PTPRQ: variants seen among roughly 807,000 people sequenced by gnomAD.
The protein encoded by PTPRQ is phosphatidylinositol phosphatase PTPRQ.
A neutral mutation model predicts 246.0 loss-of-function variants in PTPRQ; 199 were observed. That is an observed-to-expected ratio of 0.81 (90% CI 0.72 to 0.91). The LOEUF (loss-of-function observed/expected upper bound fraction) is 0.91, where lower values mean the gene tolerates loss of function less well. Ranked by LOEUF, PTPRQ falls within the 40% of genes least tolerant of loss-of-function variation. PTPRQ has a pLI of 0.00. For synonymous variants in PTPRQ, 869 were observed against 853.2 expected, an observed-to-expected ratio of 1.02 and a Z score of -0.32; for missense variants, 2,624 against 2,528.4, an observed-to-expected ratio of 1.04 and a Z score of -0.81.
At chr12:80,517,685 C>A (rs1255069404) in intron 17 of PTPRQ, among the ~76,000 whole-genome samples, 1 of 151,592 alleles carries the variant, frequency 6.6e-6, no homozygotes, top group Non-Finnish European at 1.5e-5. Flanking sequence ...GGTAACCATG[C>A]TTCTACTCTC....
At chr12:80,632,771 G>T (rs965037476) in intron 34 of PTPRQ, among the ~76,000 whole-genome samples, 1 of 152,050 alleles carries the variant, frequency 6.6e-6, no homozygotes, top group Non-Finnish European at 1.5e-5. Context: ...GAGGGAAGGG[G>T]TTGGAGCTGT....
chr12:80,538,063 C>T (rs539049200), intron 19 of PTPRQ, among the ~76,000 whole-genome samples: 29 of 152,032 alleles, frequency 1.9e-4, no homozygotes, highest in East Asian at 1.9e-4. Flanking sequence ...GAGCCGAGAT[C>T]GTGCCACTGC....
intron 9 of PTPRQ, 106 bp from the exon 10 acceptor site, chr12:80,493,169 T>G (rs1894502329): frequency 4.0e-6 from 5 of 1,241,754 alleles, no homozygotes; most frequent in Non-Finnish European, 5.2e-6. Flanking sequence ...TGTTATCTTT[T>G]ATAACAGCAT....
chr12:80,453,276 T>C (rs534268801), intron 3 of PTPRQ, among the ~76,000 whole-genome samples: 7 of 152,154 alleles, frequency 4.6e-5, no homozygotes, highest in African/African-American at 1.7e-4. Context: ...TCTACATTTT[T>C]TTCATAGTTT....
At chr12:80,497,956 T>C (rs1477059267) in intron 14 of PTPRQ, among the ~76,000 whole-genome samples, 1 of 152,018 alleles carries the variant, frequency 6.6e-6, no homozygotes, top group Non-Finnish European at 1.5e-5. Flanking sequence ...AGCTTACTTT[T>C]GTAGAAAAGG....
chr12:80,594,398 A>G (rs753949169), intron 26 of PTPRQ, among the ~76,000 whole-genome samples: 8 of 152,174 alleles, frequency 5.3e-5, no homozygotes, highest in Non-Finnish European at 5.9e-5. Context: ...GAGAAAATAA[A>G]TATCATTTAT....
intron 9 of PTPRQ, among the ~76,000 whole-genome samples, chr12:80,487,021 A>G (rs1343412793): frequency 6.6e-6 from 1 of 152,158 alleles, no homozygotes. Flanking sequence ...TTTAGTGAAG[A>G]TGTTCCACAG....
Position 80,546,671 on chromosome 12 carries a change from T to C in PTPRQ, c.3989T>C (p.Val1330Ala), listed in dbSNP as rs1203762695. 1.3e-6 allele frequency: 2 copies of C among 1,551,386 alleles called. No individual in the cohort carries two copies. Among genetic ancestry groups the C allele is most frequent in the Non-Finnish European group, 8.7e-7 (1 of 1,146,832 alleles). Residue 1330 changes from valine (V) to alanine (A), a missense_variant, in exon 24 of 45, where the codon GTA becomes GCA. Physicochemically the swap from Val to Ala is moderately conservative, Grantham distance 64. Coordinates refer to ENST00000644991, the MANE Select transcript of PTPRQ (RefSeq NM_001145026.2). ...KVGNGNQFSNVVKFTTQESVP... is the reference protein window; with the variant it reads ...KVGNGNQFSNAVKFTTQESVP... ...GGAAATGGCAATCAATTTAGTAATG[T>C]AGTAAAATTCACAACCCAAGAATCA...
intron 25 of PTPRQ, among the ~76,000 whole-genome samples, chr12:80,565,943 A>G (rs1896965422): frequency 2.0e-5 from 3 of 152,198 alleles, no homozygotes; most frequent in Admixed American, 2.0e-4. Context: ...GATTAAACAC[A>G]TTCAAAATTC....
intron 25 of PTPRQ, among the ~76,000 whole-genome samples, chr12:80,554,546 T>C (rs7488288): frequency 0.19 from 29,486 of 151,974 alleles, 4,616 homozygotes; most frequent in African/African-American, 0.43. Context: ...GATGCAAAAA[T>C]TTAATTTAGG....
At chr12:80,668,428 C>T (rs1900856340) in intron 39 of PTPRQ, among the ~76,000 whole-genome samples, 1 of 151,848 alleles carries the variant, frequency 6.6e-6, no homozygotes, top group African/African-American at 2.4e-5. Flanking sequence ...TGCCACTAGA[C>T]TAATGACTAA....
rs1237009887 is a variant in PTPRQ, at chr12:80,506,055, CA to C, written c.2309del (p.Asn770IlefsTer39). ...PDSAPENITYKNISSGEIELS... is the reference protein window; with the variant it reads ...PDSAPENITYXNISSGEIELS... ...ATAGTGCACCAGAAAATATCACTTA[CA>C]AAAATATTTCTTCTGGAGAGATTGA... On this transcript the variant is annotated frameshift_variant, in exon 15 of 45. Coordinates refer to ENST00000644991, the MANE Select transcript of PTPRQ (RefSeq NM_001145026.2). LOFTEE classifies it high-confidence loss of function. 6.5e-7 allele frequency: 1 copy of C among 1,546,418 alleles called. No homozygotes were observed. Among genetic ancestry groups the C allele is most frequent in the African/African-American group, 1.4e-5 (1 of 72,770 alleles).
chr12:80,588,474 A>T, intron 26 of PTPRQ, 22 bp downstream of exon 26: 13 of 1,443,226 alleles, frequency 9.0e-6, no homozygotes, highest in Non-Finnish European at 1.2e-5. Context: ...CCTGACATGT[A>T]CATACTGATT....
intron 38 of PTPRQ, among the ~76,000 whole-genome samples, chr12:80,655,561 G>A (rs370369639): frequency 1.8e-4 from 27 of 150,966 alleles, no homozygotes; most frequent in African/African-American, 6.3e-4. Context: ...GTATACCCCC[G>A]GTTCTCTCTG....
chr12:80,544,551 A>C (rs1400423892), intron 23 of PTPRQ, among the ~76,000 whole-genome samples: 2 of 152,160 alleles, frequency 1.3e-5, no homozygotes, highest in African/African-American at 2.4e-5. Flanking sequence ...TTTAAAATCT[A>C]CTGCGTCATG....
At chr12:80,494,504 T>C (rs929972713) in intron 10 of PTPRQ, among the ~76,000 whole-genome samples, 11 of 152,160 alleles carry the variant, frequency 7.2e-5, no homozygotes, top group African/African-American at 2.6e-4. Context: ...ATCTCAATTA[T>C]ATATTTCTTT....
At chr12:80,648,983 C>A in intron 36 of PTPRQ, 60 bp downstream of exon 36, 1 of 1,440,016 alleles carries the variant, frequency 6.9e-7, no homozygotes, top group Non-Finnish European at 9.2e-7. Flanking sequence ...TGCACTGACT[C>A]AGTAGAACCT....
chr12:80,667,780 A>G (rs1221755558), intron 39 of PTPRQ, among the ~76,000 whole-genome samples: 1 of 151,976 alleles, frequency 6.6e-6, no homozygotes, highest in Non-Finnish European at 1.5e-5. Context: ...AAATTTTCAA[A>G]ATATTCTACA....
chr12:80,553,168 A>C (rs527458236), intron 25 of PTPRQ, among the ~76,000 whole-genome samples: 4 of 152,252 alleles, frequency 2.6e-5, no homozygotes, highest in Non-Finnish European at 5.9e-5. Context: ...TATTATTTCC[A>C]CATTCCCATC....
Sources: gnomAD v4.1 joint callset for allele counts (sites outside exome capture counted in the v4.1 genomes callset) on GRCh38, gnomAD v4.1.1 for gene constraint, MANE v1.5 for transcripts, NCBI Gene and HGNC (gene_info 2026-07-23, HGNC 2026-07-21) for gene names.